Variants in SMPD3 observed in about 807,000 individuals in gnomAD.
The protein encoded by SMPD3 is nSMase-2.
A neutral mutation model predicts 55.7 loss-of-function variants in SMPD3; 21 were observed. That is an observed-to-expected ratio of 0.38 (90% CI 0.27 to 0.54). SMPD3 has a LOEUF of 0.54. Ranked by LOEUF, SMPD3 falls within the 20% of genes least tolerant of loss-of-function variation. The probability of loss-of-function intolerance (pLI) is 0.80; values close to 1 mark genes in which losing one functional copy is unlikely to be tolerated. For missense variants in SMPD3, 842 were observed against 899.6 expected (o/e 0.94, Z 0.82); for synonymous variants, 457 against 404.3 (o/e 1.13, Z -1.56).
intron 1 of SMPD3, among the ~76,000 whole-genome samples, chr16:68,395,055 CA>C (rs1346870251): frequency 6.8e-6 from 1 of 146,260 alleles, no homozygotes; most frequent in Non-Finnish European, 1.5e-5. Context: ...GAAATGCTTA[CA>C]TATATATATA....
In SMPD3 at chr16:68,440,453, G is replaced by A. The variant is rs144029595; in HGVS notation, c.-269+7900C>T. On this transcript the variant is annotated intron_variant, in intron 1 of 8. Transcript: ENST00000219334. ...TGGACTAAATAAATCCACTCGCCTC[G>A]ACCTCTCAAAGTGCTGGGATTATAG... Among the ~76,000 whole-genome samples the A allele has an allele frequency of 4.2e-3, 646 of 152,244 alleles. 4 individuals are homozygous for A. The highest frequency in any genetic ancestry group is 0.015 in the African/African-American group (619 of 41,532).
At chr16:68,421,659 G>A (rs1296073925) in intron 1 of SMPD3, among the ~76,000 whole-genome samples, 7 of 152,212 alleles carry the variant, frequency 4.6e-5, no homozygotes, top group Non-Finnish European at 8.8e-5. Flanking sequence ...CTTGGCTAGG[G>A]AATGAGGCCT....
At chr16:68,407,203 C>G (rs2090261679) in intron 1 of SMPD3, among the ~76,000 whole-genome samples, 1 of 152,098 alleles carries the variant, frequency 6.6e-6, no homozygotes, top group African/African-American at 2.4e-5. Context: ...TGGATTTATA[C>G]ATAGGTTGCT....
chr16:68,423,127 C>A (rs560638263), intron 1 of SMPD3, among the ~76,000 whole-genome samples: 1 of 152,208 alleles, frequency 6.6e-6, no homozygotes, highest in Non-Finnish European at 1.5e-5. Flanking sequence ...GTAATTGGTT[C>A]AAGTTAGCAT....
Position 68,371,862 on chromosome 16 carries a change from C to G in SMPD3, c.320G>C (p.Gly107Ala). 1 of 1,606,320 alleles carries G rather than the reference C, an allele frequency of 6.2e-7. No individual in the cohort carries two copies. Among genetic ancestry groups the G allele is most frequent in the South Asian group, 1.1e-5 (1 of 89,536 alleles). Residue 107 changes from glycine (G) to alanine (A), a missense_variant, in exon 3 of 9, where the codon GGT becomes GCT. Around this residue, in one of 2 missense-constraint regions of SMPD3, gnomAD observed 193 missense variants for 256.0 expected, o/e 0.75. Transcript: ENST00000219334. ...CCATTCACTGAGCAGGGCTGCCCCA[C>G]CGGCCAGGCCCTTGTCTTCCAGCCG... Reference protein sequence around the residue: ...YSRLEDKGLAGGAALLSEWKG... With the variant: ...YSRLEDKGLAAGAALLSEWKG...
intron 1 of SMPD3, among the ~76,000 whole-genome samples, chr16:68,391,012 A>C (rs532182321): frequency 6.6e-6 from 1 of 152,364 alleles, no homozygotes; most frequent in East Asian, 1.9e-4. Context: ...CCCCCACCTC[A>C]GTGAACAAAG....
intron 1 of SMPD3, among the ~76,000 whole-genome samples, chr16:68,430,378 C>T (rs971609063): frequency 6.6e-6 from 1 of 152,190 alleles, no homozygotes; most frequent in Non-Finnish European, 1.5e-5. Context: ...ATGCTAGGGC[C>T]ATGGGTTGTG....
At chr16:68,366,279 C>T (rs549973146) in intron 3 of SMPD3, among the ~76,000 whole-genome samples, 3 of 152,348 alleles carry the variant, frequency 2.0e-5, no homozygotes, top group Non-Finnish European at 4.4e-5. Flanking sequence ...CTGCTGCAGT[C>T]GGTCAGGCTG....
chr16:68,445,147 C>T lies in SMPD3; in HGVS notation c.-269+3206G>A, dbSNP rs569179476. 3.3e-5 allele frequency among the ~76,000 whole-genome samples: 5 copies of T among 152,330 alleles called. No homozygotes were observed. In the South Asian group the frequency reaches 1.0e-3, roughly 32 times the overall value. On this transcript the variant is annotated intron_variant, in intron 1 of 8. Coordinates refer to ENST00000219334, the MANE Select transcript of SMPD3 (RefSeq NM_018667.4). ...GCAGCTTTTTGCATTTGGTAATAGC[C>T]TCCAGAAGCCTTCATTTTCTGGGCT...
At chr16:68,363,361 G>C in intron 7 of SMPD3, 135 bp downstream of exon 7, 1 of 966,488 alleles carries the variant, frequency 1.0e-6, no homozygotes, top group Non-Finnish European at 1.6e-6. Flanking sequence ...TCAAAGGTGA[G>C]ATGAGGGACA....
At chr16:68,415,463 G>C (rs2090332033) in intron 1 of SMPD3, among the ~76,000 whole-genome samples, 2 of 152,210 alleles carry the variant, frequency 1.3e-5, no homozygotes, top group Non-Finnish European at 2.9e-5. Flanking sequence ...CAGTTTTGCA[G>C]ATGGTTTGTT....
At chr16:68,417,013 T>A (rs889403582) in intron 1 of SMPD3, among the ~76,000 whole-genome samples, 2 of 152,152 alleles carry the variant, frequency 1.3e-5, no homozygotes, top group African/African-American at 4.8e-5. Flanking sequence ...AGACCCTGTC[T>A]TCAGGGCTGG....
chr16:68,421,874 A>T (rs2090397812), intron 1 of SMPD3, among the ~76,000 whole-genome samples: 2 of 152,238 alleles, frequency 1.3e-5, no homozygotes, highest in South Asian at 4.1e-4. Flanking sequence ...GAACTGGTGA[A>T]TATGCTACTC....
intron 1 of SMPD3, among the ~76,000 whole-genome samples, chr16:68,445,974 C>T (rs1051353735): frequency 4.8e-5 from 7 of 146,848 alleles, no homozygotes; most frequent in South Asian, 2.1e-4. Context: ...TTCTGAGACA[C>T]CTAGTATTTC....
chr16:68,401,042 C>T (rs1223359623), intron 1 of SMPD3, among the ~76,000 whole-genome samples: 1 of 152,200 alleles, frequency 6.6e-6, no homozygotes, highest in African/African-American at 2.4e-5. Flanking sequence ...CCAGTGCCAC[C>T]CTCTGTGAGG....
intron 2 of SMPD3, among the ~76,000 whole-genome samples, chr16:68,376,433 C>T (rs1042578087): frequency 3.9e-5 from 6 of 152,236 alleles, no homozygotes; most frequent in African/African-American, 1.2e-4. Flanking sequence ...GCAAGTTTGC[C>T]AAGTAGAGTC....
chr16:68,415,186 A>C (rs1014437145), intron 1 of SMPD3, among the ~76,000 whole-genome samples: 2 of 152,188 alleles, frequency 1.3e-5, no homozygotes, highest in African/African-American at 4.8e-5. Context: ...GAGAGTGGAT[A>C]AAATCCCATG....
At chr16:68,388,492 C>T (rs1336187459) in intron 1 of SMPD3, among the ~76,000 whole-genome samples, 3 of 152,266 alleles carry the variant, frequency 2.0e-5, no homozygotes, top group African/African-American at 7.2e-5. Flanking sequence ...GCCATTTGGG[C>T]CTGTGTGACT....
chr16:68,364,700 C>T, intron 5 of SMPD3, 51 bp downstream of exon 5: 1 of 1,568,944 alleles, frequency 6.4e-7, no homozygotes, highest in Non-Finnish European at 8.7e-7. Context: ...GTGACTGAGC[C>T]CACAGCCTCC....
Sources: allele counts gnomAD v4.1 joint callset (sites outside exome capture counted in the v4.1 genomes callset), GRCh38; gene constraint gnomAD v4.1.1; regional missense constraint gnomAD v4.1.1; transcripts MANE v1.5; gene names NCBI Gene and HGNC (gene_info 2026-07-23, HGNC 2026-07-21).